GRAMD4: variants seen among roughly 807,000 people sequenced by gnomAD.
The protein encoded by GRAMD4 is GRAM domain containing 4.
In GRAMD4, 25 loss-of-function variants were observed where a neutral mutation model predicts 83.9. That is an observed-to-expected ratio of 0.30 (90% CI 0.22 to 0.42). The LOEUF (loss-of-function observed/expected upper bound fraction) is 0.42. Among genes scored for constraint, GRAMD4 ranks in the 10% least tolerant of loss-of-function variants. The pLI is 1.00. For synonymous variants in GRAMD4, 336 were observed against 320.9 expected (o/e 1.05, Z -0.50); for missense variants, 593 against 788.7 (o/e 0.75, Z 2.97).
intron 2 of GRAMD4, among the ~76,000 whole-genome samples, chr22:46,633,539 C>T (rs1215085150): frequency 2.0e-5 from 3 of 152,124 alleles, no homozygotes; most frequent in East Asian, 3.9e-4. Flanking sequence ...GCTCCTGGCC[C>T]GGGAGCCCAG....
chr22:46,680,805 C>CCCATCCATCCAT (rs751195568), downstream of GRAMD4, among the ~76,000 whole-genome samples: 25 of 55,872 alleles, frequency 4.5e-4, no homozygotes, highest in Middle Eastern at 7.9e-3. Context: ...CATTCACCTA[C>CCCATCCATCCAT]CCATCCATCC....
rs16995523 is a variant in GRAMD4 at position 46,658,064 on chromosome 22, A to G, written c.284-123A>G. On this transcript the variant is annotated intron_variant, in intron 3 of 18. Transcript: ENST00000406902. ...CACCCTGGAGGAAGGTCAGGTGCTC[A>G]GGTCCGCTTACGGAGCAGAGACCCC... 1.1e-3 allele frequency: 1,357 copies of G among 1,193,454 alleles called. 12 individuals are homozygous for G. In the African/African-American group the frequency reaches 0.017, roughly 15 times the overall value. The allele number at this position is 1,193,454 out of a possible 1,614,324, so 73.9% of individuals were successfully genotyped here.
intron 1 of GRAMD4, among the ~76,000 whole-genome samples, chr22:46,577,751 AGTT>A (rs1005594933): frequency 1.3e-5 from 2 of 152,084 alleles, no homozygotes; most frequent in African/African-American, 4.8e-5. Flanking sequence ...CTCTCCAAAA[AGTT>A]GTGGGCGCTT....
chr22:46,644,897 C>CTTTTTTTTTT lies in GRAMD4; in HGVS notation c.283+6961_283+6970dup, dbSNP rs35677843. ...ATAGGCACATTGCACTGCACATGGC[C>CTTTTTTTTTT]TTTTTTTTTTTTTTTTTTTTTTTTT... is the stretch of plus-strand genomic sequence containing the variant. On this transcript the variant is annotated intron_variant, in intron 3 of 18. Transcript: ENST00000406902. Among the ~76,000 whole-genome samples the CTTTTTTTTTT allele has an allele frequency of 5.6e-4, 23 of 41,016 alleles. 3 individuals are homozygous for CTTTTTTTTTT. Among genetic ancestry groups the CTTTTTTTTTT allele is most frequent in the East Asian group, 9.8e-4 (1 of 1,024 alleles). 26.9% of individuals were successfully genotyped at this position (41,016 alleles called of 152,430 possible). A position where few individuals can be genotyped will look rare whatever the true frequency, so the allele number is the denominator to read the frequency against.
At chr22:46,644,734 T>TA (rs2082047284) in intron 3 of GRAMD4, among the ~76,000 whole-genome samples, 1 of 100,068 alleles carries the variant, frequency 1.0e-5, no homozygotes, top group Non-Finnish European at 2.1e-5. Flanking sequence ...TTTTTTTTTT[T>TA]ACTTTGTTTT....
intron 2 of GRAMD4, among the ~76,000 whole-genome samples, chr22:46,635,516 C>T (rs59547489): frequency 2.0e-5 from 1 of 49,514 alleles, no homozygotes; most frequent in Admixed American, 2.0e-4. Flanking sequence ...ATCCTCCCTG[C>T]CCCCGCCCCC....
chr22:46,666,874 G>A lies in GRAMD4; in HGVS notation c.858+1G>A. ...CGTGCCCGAAGTGTCTGAGCCCGTG[G>A]TAAGTCCCTGGAGGGTGCACGGTCT... On this transcript the variant is annotated splice_donor_variant, in intron 10 of 18. Coordinates refer to ENST00000406902, the MANE Select transcript of GRAMD4 (RefSeq NM_015124.5). LOFTEE classifies it high-confidence loss of function. 1 of 1,592,608 alleles carries A rather than the reference G, an allele frequency of 6.3e-7. No individual in the cohort carries two copies. The highest frequency in any genetic ancestry group is 8.6e-7 in the Non-Finnish European group (1 of 1,168,918).
At chr22:46,595,188 C>T (rs969189388) in intron 1 of GRAMD4, among the ~76,000 whole-genome samples, 2 of 152,084 alleles carry the variant, frequency 1.3e-5, no homozygotes, top group African/African-American at 4.8e-5. Context: ...AAGAGGGGCA[C>T]GTTTTCAATC....
At chr22:46,669,429 G>A (rs999640561) in intron 13 of GRAMD4, among the ~76,000 whole-genome samples, 12 of 148,556 alleles carry the variant, frequency 8.1e-5, no homozygotes, top group Non-Finnish European at 1.6e-4. Flanking sequence ...CCGGGAGGTG[G>A]GTGGGGTGTG....
intron 3 of GRAMD4, among the ~76,000 whole-genome samples, chr22:46,641,845 C>T (rs369019290): frequency 6.6e-6 from 1 of 152,230 alleles, no homozygotes; most frequent in African/African-American, 2.4e-5. Flanking sequence ...GACACATTTC[C>T]GAAAACAAAC....
At chr22:46,666,229 G>A (rs1378738960) in intron 9 of GRAMD4, among the ~76,000 whole-genome samples, 5 of 152,188 alleles carry the variant, frequency 3.3e-5, no homozygotes, top group African/African-American at 1.2e-4. Flanking sequence ...TGGAGGCTGA[G>A]GGGGGCTCTG....
rs1359465748 is a variant in GRAMD4 at position 46,659,755 on chromosome 22, G to C, written c.404+1448G>C. ...GTGGGGGCATCCAGCTGGTGTGGGG[G>C]AGGGAGAGGCCTCACTTTCCTATTC... On this transcript the variant is annotated intron_variant, in intron 4 of 18. Transcript: ENST00000406902. This position sits in a 1 kb window ranked among gnomAD's most constrained non-coding sequence, Gnocchi z 4.1. Among the ~76,000 whole-genome samples the C allele has an allele frequency of 6.6e-6, 1 of 151,936 alleles. No homozygotes were observed. Among genetic ancestry groups the C allele is most frequent in the Non-Finnish European group, 1.5e-5 (1 of 67,978 alleles).
intron 1 of GRAMD4, among the ~76,000 whole-genome samples, chr22:46,578,998 T>C (rs969431675): frequency 6.6e-6 from 1 of 152,224 alleles, no homozygotes; most frequent in African/African-American, 2.4e-5. Flanking sequence ...TCTGCTGCTC[T>C]TTCCTCTCAG....
intron 2 of GRAMD4, among the ~76,000 whole-genome samples, chr22:46,634,698 T>C (rs1248973976): frequency 2.0e-5 from 3 of 152,166 alleles, no homozygotes; most frequent in Non-Finnish European, 4.4e-5. Flanking sequence ...CCCAGCACTT[T>C]GGGAGGCCAA....
chr22:46,624,064 C>T (rs2081617484), intron 1 of GRAMD4, among the ~76,000 whole-genome samples: 1 of 152,098 alleles, frequency 6.6e-6, no homozygotes, highest in East Asian at 1.9e-4. Context: ...TTACAGGTGC[C>T]AGCCACCGCA....
intron 3 of GRAMD4, among the ~76,000 whole-genome samples, chr22:46,643,125 A>ATCCG (rs1416207724): frequency 6.8e-6 from 1 of 148,148 alleles, no homozygotes. Context: ...CCATCCATGC[A>ATCCG]TCCATCCATG....
chr22:46,667,458 T>C (rs917297125), intron 10 of GRAMD4, among the ~76,000 whole-genome samples: 1 of 152,254 alleles, frequency 6.6e-6, no homozygotes, highest in African/African-American at 2.4e-5. Context: ...CGGCTGCTTT[T>C]GCATTACCCT....
intron 1 of GRAMD4, among the ~76,000 whole-genome samples, chr22:46,589,503 TG>T (rs1342071813): frequency 1.3e-5 from 2 of 150,660 alleles, no homozygotes; most frequent in Non-Finnish European, 3.0e-5. Flanking sequence ...GGTGAGTGGG[TG>T]GCCCTATTAT....
chr22:46,666,376 G>T (rs757187867), intron 9 of GRAMD4, among the ~76,000 whole-genome samples: 1 of 152,226 alleles, frequency 6.6e-6, no homozygotes, highest in Non-Finnish European at 1.5e-5. Context: ...TGACTTGGCC[G>T]TTCAAAAGTT....
Sources: allele counts gnomAD v4.1 joint callset (sites outside exome capture counted in the v4.1 genomes callset), GRCh38; gene constraint gnomAD v4.1.1; non-coding constraint Gnocchi (gnomAD v3.1); transcripts MANE v1.5; gene names NCBI Gene and HGNC (gene_info 2026-07-23, HGNC 2026-07-21).